UBL5: variants seen among roughly 807,000 people sequenced by gnomAD.
UBL5 encodes the protein ubiquitin like 5, also known as ubiquitin-like protein 5.
A neutral mutation model predicts 11.7 loss-of-function variants in UBL5; 13 were observed. The ratio of observed to expected loss-of-function variants is 1.11; its 90% CI spans 0.73 to 1.77. UBL5 has a LOEUF of 1.77. Ranked by LOEUF, UBL5 falls within the 40% of genes most tolerant of loss-of-function variation. UBL5 has a pLI of 0.00. For missense variants in UBL5, 58 were observed against 92.3 expected, an observed-to-expected ratio of 0.63 and a Z score of 1.52; for synonymous variants, 28 against 34.7, an observed-to-expected ratio of 0.81 and a Z score of 0.68.
chr19:9,828,604 C>T lies in UBL5; in HGVS notation c.69C>T (p.Thr23=). ...KVRVKCNTDD[T]IGDLKKLIAA... is the part of the protein sequence containing the mutation. ...GCTCTGCGCCCAGCACGGATGATAC[C>T]ATCGGGGACCTTAAGAAGCTGATTG... The change falls in exon 3 of 5, where the codon ACC becomes ACT. Residue 23 remains threonine, a synonymous_variant. Transcript: ENST00000586895. The T allele has an allele frequency of 1.2e-6, 2 of 1,614,202 alleles. No individual in the cohort carries two copies. Among genetic ancestry groups the T allele is most frequent in the Non-Finnish European group, 1.7e-6 (2 of 1,180,034 alleles).
chr19:9,828,619 G>A lies in UBL5; in HGVS notation c.84G>A (p.Lys28=). The part of the protein sequence containing the change: ...CNTDDTIGDL[K]KLIAAQTGTR... Reference sequence around the variant, plus strand: ...CGGATGATACCATCGGGGACCTTAAGAAGCTGATTGCAGCCCAAACTGGTA... The same window carrying A: ...CGGATGATACCATCGGGGACCTTAAAAAGCTGATTGCAGCCCAAACTGGTA... Residue 28 remains lysine (K), a synonymous_variant, in exon 3 of 5, where the codon AAG becomes AAA. Coordinates refer to ENST00000586895, the MANE Select transcript of UBL5 (RefSeq NM_001048241.3). 1 of 1,614,120 alleles carries A rather than the reference G, an allele frequency of 6.2e-7. No individual in the cohort carries two copies.
intron 2 of UBL5, 83 bp downstream of exon 2, chr19:9,828,476 G>A: frequency 6.2e-7 from 1 of 1,609,640 alleles, no homozygotes. Context: ...TTGTCGGATG[G>A]TTTTAGTTAA....
Position 9,827,935 on chromosome 19 carries a change from A to C in UBL5, c.-61A>C, listed in dbSNP as rs544863866. The C allele has an allele frequency of 1.8e-5, 5 of 274,846 alleles. No individual in the cohort carries two copies. The highest frequency in any genetic ancestry group is 4.5e-5 in the South Asian group (1 of 22,142). The allele number at this position is 274,846 out of a possible 1,614,324, so 17.0% of individuals were successfully genotyped here. A position where few individuals can be genotyped will look rare whatever the true frequency, so the allele number is the denominator to read the frequency against. ...CTAGCGTTAACTGCGACCGGGGTTC[A>C]GCGCTCGGGTGAGGAGCTGGTGGCG... On this transcript the variant is annotated 5_prime_UTR_variant, in exon 1 of 5. Transcript: ENST00000586895.
intron 2 of UBL5, 77 bp downstream of exon 2, chr19:9,828,470 C>T (rs1044499276): frequency 6.2e-7 from 1 of 1,608,536 alleles, no homozygotes; most frequent in Non-Finnish European, 8.5e-7. Context: ...TCTGTGTTGT[C>T]GGATGGTTTT....
At position 9,830,115 on chromosome 19, in the gene UBL5, G is replaced by A. The variant is rs2046047717; in HGVS notation, c.*107G>A. Reference sequence around the variant, plus strand: ...TCACCTTAATAAAGACTTAGATGTTGCTTTGTTGTTGTCTCTGTATGACAG... The same window carrying A: ...TCACCTTAATAAAGACTTAGATGTTACTTTGTTGTTGTCTCTGTATGACAG... On this transcript the variant is annotated 3_prime_UTR_variant, in exon 5 of 5. Coordinates refer to ENST00000586895, the MANE Select transcript of UBL5 (RefSeq NM_001048241.3). 1.4e-6 allele frequency: 2 copies of A among 1,449,258 alleles called. No individual in the cohort carries two copies. Among genetic ancestry groups the A allele is most frequent in the African/African-American group, 1.4e-5 (1 of 71,474 alleles). 89.8% of individuals were successfully genotyped at this position (1,449,258 alleles called of 1,614,324 possible). A position where few individuals can be genotyped will look rare whatever the true frequency, so the allele number is the denominator to read the frequency against.
intron 1 of UBL5, 159 bp downstream of exon 1, chr19:9,828,143 C>T (rs1191368831): frequency 1.3e-5 from 8 of 626,540 alleles, no homozygotes; most frequent in Non-Finnish European, 8.4e-6. Context: ...GTTCGCGGCC[C>T]TGGGACAGGG....
chr19:9,829,107 T>C, intron 4 of UBL5: 1 of 586,962 alleles, frequency 1.7e-6, no homozygotes, highest in Non-Finnish European at 3.0e-6. Flanking sequence ...ACCTGAGTGC[T>C]GGACAGTAGG....
intron 1 of UBL5, 87 bp downstream of exon 1, chr19:9,828,071 CCAGGGAGTTTTGTGG>C: frequency 1.7e-6 from 1 of 575,698 alleles, no homozygotes; most frequent in African/African-American, 1.9e-5. Flanking sequence ...GGAGGTGAGG[CCAGGGAGTTTTGTGG>C]CAGGGCTTTC....
intron 4 of UBL5, chr19:9,829,684 A>G (rs2046045152): frequency 2.7e-6 from 1 of 371,250 alleles, no homozygotes; most frequent in Non-Finnish European, 4.9e-6. Context: ...TTTAGTAGAG[A>G]CAGGGTTTCA....
At chr19:9,828,719 G>A (rs375665481) in intron 3 of UBL5, 44 bp downstream of exon 3, 130 of 1,613,850 alleles carry the variant, frequency 8.1e-5, no homozygotes, top group Admixed American at 1.7e-4. Context: ...GACTAGGCCG[G>A]AAGGTTTTGG....
intron 4 of UBL5, chr19:9,829,246 C>T (rs1005643453): frequency 2.0e-5 from 4 of 204,212 alleles, no homozygotes; most frequent in South Asian, 7.9e-5. Flanking sequence ...TGCAGTGGCA[C>T]GATCTTGACC....
intron 1 of UBL5, 97 bp from the exon 2 acceptor site, chr19:9,828,230 C>G: frequency 8.5e-7 from 1 of 1,183,222 alleles, no homozygotes; most frequent in Non-Finnish European, 1.3e-6. Context: ...AATTTTAGGG[C>G]CTGGGACTGG....
chr19:9,828,461 CTG>C (rs1555720042), intron 2 of UBL5, 68 bp downstream of exon 2: 11 of 1,606,246 alleles, frequency 6.8e-6, no homozygotes, highest in Non-Finnish European at 9.4e-6. Flanking sequence ...GCAACTCAAT[CTG>C]TGTTGTCGGA....
Position 9,828,405 on chromosome 19 carries a change from C to T in UBL5, c.56+12C>T. ...CGCGTTAAATGCAAGTATCCACTGG[C>T]AGCCGAGAGGCAGTGGTACCCGCAG... is the stretch of plus-strand genomic sequence containing the variant. On this transcript the variant is annotated intron_variant, in intron 2 of 4. Coordinates refer to ENST00000586895, the MANE Select transcript of UBL5 (RefSeq NM_001048241.3). 1 of 1,614,106 alleles carries T rather than the reference C, an allele frequency of 6.2e-7. No homozygotes were observed. The highest frequency in any genetic ancestry group is 8.5e-7 in the Non-Finnish European group (1 of 1,180,008).
rs2046047593 is a variant in UBL5, at chr19:9,830,075, C to T, written c.*67C>T. The T allele has an allele frequency of 6.3e-7, 1 of 1,591,920 alleles. No homozygotes were observed. Among genetic ancestry groups the T allele is most frequent in the South Asian group, 1.1e-5 (1 of 90,152 alleles). ...CTCATCCCCCACACTGGGATAGATG[C>T]TTGTTTGTAAAAACTCACCTTAATA... On this transcript the variant is annotated 3_prime_UTR_variant, in exon 5 of 5. Coordinates refer to ENST00000586895, the MANE Select transcript of UBL5 (RefSeq NM_001048241.3).
chr19:9,827,962 C>T lies in UBL5; in HGVS notation c.-34C>T, dbSNP rs968661804. 1 of 329,106 alleles carries T rather than the reference C, an allele frequency of 3.0e-6. No homozygotes were observed. The highest frequency in any genetic ancestry group is 5.7e-6 in the Non-Finnish European group (1 of 174,150). The allele number at this position is 329,106 out of a possible 1,614,324, so 20.4% of individuals were successfully genotyped here. Reference sequence around the variant, plus strand: ...CGCTCGGGTGAGGAGCTGGTGGCGTCGGCAGGTTCGAGGCGATTCGAGGTG... The same window carrying T: ...CGCTCGGGTGAGGAGCTGGTGGCGTTGGCAGGTTCGAGGCGATTCGAGGTG... On this transcript the variant is annotated 5_prime_UTR_variant, in exon 1 of 5. Transcript: ENST00000586895.
rs1465028735 is a variant in UBL5, at chr19:9,827,978, A to G, written c.-18A>G. The G allele has an allele frequency of 2.8e-6, 1 of 363,536 alleles. No homozygotes were observed. The highest frequency in any genetic ancestry group is 5.1e-6 in the Non-Finnish European group (1 of 195,244). 22.5% of individuals were successfully genotyped at this position (363,536 alleles called of 1,614,324 possible). On this transcript the variant is annotated 5_prime_UTR_variant, in exon 1 of 5. Transcript: ENST00000586895. ...TGGTGGCGTCGGCAGGTTCGAGGCG[A>G]TTCGAGGTGAGGGGGTCAAGCGGAG...
Position 9,828,626 on chromosome 19 carries a change from A to C in UBL5, c.91A>C (p.Ile31Leu), listed in dbSNP as rs924356108. Residue 31 changes from isoleucine (I) to leucine (L), a missense_variant, in exon 3 of 5, where the codon ATT (isoleucine) becomes CTT (leucine). Coordinates refer to ENST00000586895, the MANE Select transcript of UBL5 (RefSeq NM_001048241.3). ...DDTIGDLKKL[I>L]AAQTGTRWNK... is the part of the protein sequence containing the mutation. ...TACCATCGGGGACCTTAAGAAGCTGATTGCAGCCCAAACTGGTACCCGTTG... is the reference window on the plus strand; with the variant it reads ...TACCATCGGGGACCTTAAGAAGCTGCTTGCAGCCCAAACTGGTACCCGTTG... 3 of 1,614,226 alleles carry C rather than the reference A, an allele frequency of 1.9e-6. No homozygotes were observed. Among genetic ancestry groups the C allele is most frequent in the Non-Finnish European group, 2.5e-6 (3 of 1,180,038 alleles).
chr19:9,828,156 C>T, intron 1 of UBL5, 171 bp from the exon 2 acceptor site: 1 of 652,348 alleles, frequency 1.5e-6, no homozygotes, highest in Non-Finnish European at 2.7e-6. Context: ...GGACAGGGGA[C>T]TTGGGGCCTG....
Sources: gnomAD v4.1 joint callset for allele counts on GRCh38, gnomAD v4.1.1 for gene constraint, MANE v1.5 for transcripts, NCBI Gene and HGNC (gene_info 2026-07-23, HGNC 2026-07-21) for gene names.